Variants in DNAH17 observed in about 807,000 individuals in gnomAD.
DNAH17 encodes axonemal beta dynein heavy chain 17.
DNAH17 carries 376 observed loss-of-function variants against 485.6 expected under a neutral mutation model. The ratio of observed to expected loss-of-function variants is 0.77; its 90% CI spans 0.71 to 0.84. The LOEUF (loss-of-function observed/expected upper bound fraction) is 0.84. Among genes scored for constraint, DNAH17 ranks in the 40% least tolerant of loss-of-function variants. The pLI is 0.00. For missense variants in DNAH17, 6,370 were observed against 5,839.3 expected, an observed-to-expected ratio of 1.09 and a Z score of -2.96; for synonymous variants, 3,031 against 2,405.9, an observed-to-expected ratio of 1.26 and a Z score of -7.60.
chr17:78,553,283 G>GGTTTTTTTTTTTT lies in DNAH17; in HGVS notation c.2179-479_2179-478insAAAAAAAAAAAAC, dbSNP rs2091944708. ...AAATTACCCAGTCCCAGGTTTTTGT[G>GGTTTTTTTTTTTT]TTTTTTTTTTTTTTTTTTTTTTTTT... On this transcript the variant is annotated intron_variant, in intron 14 of 80. Transcript: ENST00000389840. 2.2e-4 allele frequency among the ~76,000 whole-genome samples: 11 copies of GGTTTTTTTTTTTT among 51,032 alleles called. 2 individuals are homozygous for GGTTTTTTTTTTTT. The highest frequency in any genetic ancestry group is 1.3e-3 in the East Asian group (2 of 1,500). The allele number at this position is 51,032 out of a possible 152,430, so 33.5% of individuals were successfully genotyped here. A position where few individuals can be genotyped will look rare whatever the true frequency, so the allele number is the denominator to read the frequency against.
chr17:78,432,762 C>T (rs559746629), intron 75 of DNAH17, among the ~76,000 whole-genome samples: 1 of 152,314 alleles, frequency 6.6e-6, no homozygotes, highest in East Asian at 1.9e-4. Context: ...GAGGGGGTTC[C>T]TGAGACTGGC....
At chr17:78,433,981 G>A (rs1347402380) in intron 75 of DNAH17, 48 bp downstream of exon 75, 21 of 1,479,086 alleles carry the variant, frequency 1.4e-5, no homozygotes, top group African/African-American at 2.8e-5. Flanking sequence ...GGGAAGGAGG[G>A]AAAGAGGGAG....
At position 78,506,835 on chromosome 17, in the gene DNAH17, C is replaced by T. The variant is rs1359720843; in HGVS notation, c.4688G>A (p.Cys1563Tyr). Reference sequence around the variant, plus strand: ...TAAATACTCTGCCAAAGCCTTTTCACAGATGGCCAAGCTGGGAGGAAGGAA... The same window carrying T: ...TAAATACTCTGCCAAAGCCTTTTCATAGATGGCCAAGCTGGGAGGAAGGAA... ...LEALKKSLAI[C>Y]EKALAEYLET... Residue 1563 changes from cysteine to tyrosine, a missense_variant, in exon 30 of 81, where the codon TGT (cysteine) becomes TAT (tyrosine). By Grantham distance (194) the Cys-to-Tyr change is radical (BLOSUM62 -2). Coordinates refer to ENST00000389840, the MANE Select transcript of DNAH17 (RefSeq NM_173628.4). The T allele has an allele frequency of 1.2e-6, 2 of 1,613,964 alleles. No homozygotes were observed. The highest frequency in any genetic ancestry group is 1.7e-5 in the Admixed American group (1 of 60,014).
Position 78,450,897 on chromosome 17 carries a change from G to A in DNAH17, c.10735-51C>T, listed in dbSNP as rs1261786867. The A allele has an allele frequency of 3.3e-5, 52 of 1,595,540 alleles. No homozygotes were observed. The Admixed American group carries it at 7.4e-4, about 23-fold the overall frequency. ...TGCATTGCCTGGCTCTGTCCACCGG[G>A]CACCCGGGCCTCCCTCAGGTGGCCA... On this transcript the variant is annotated intron_variant, in intron 66 of 80. Transcript: ENST00000389840.
Position 78,513,957 on chromosome 17 carries a change from G to A in DNAH17, c.4113+817C>T, listed in dbSNP as rs181670682. Reference sequence around the variant, plus strand: ...TAGCTGCTTAAAGTCATTTTGTTCAGTGTTGGCTGAGAGAGGGGAGCGTTC... The same window carrying A: ...TAGCTGCTTAAAGTCATTTTGTTCAATGTTGGCTGAGAGAGGGGAGCGTTC... On this transcript the variant is annotated intron_variant, in intron 26 of 80. Transcript: ENST00000389840. 4.4e-3 allele frequency among the ~76,000 whole-genome samples: 674 copies of A among 152,294 alleles called. 5 individuals are homozygous for A. Among genetic ancestry groups the A allele is most frequent in the Non-Finnish European group, 6.7e-3 (454 of 68,032 alleles).
chr17:78,544,106 T>C, intron 16 of DNAH17, 109 bp from the exon 17 acceptor site: 4 of 1,482,836 alleles, frequency 2.7e-6, no homozygotes, highest in East Asian at 2.3e-5. Context: ...TGCCTGATCT[T>C]GGATTGGAGT....
intron 12 of DNAH17, 48 bp from the exon 13 acceptor site, chr17:78,560,983 G>GGT: frequency 6.6e-7 from 1 of 1,508,380 alleles, no homozygotes; most frequent in Non-Finnish European, 8.9e-7. Context: ...TCTCCTGTGG[G>GGT]GTGTCTTCGG....
chr17:78,434,216 G>T lies in DNAH17; in HGVS notation c.12038C>A (p.Thr4013Asn), dbSNP rs1216495469. The change falls in exon 75 of 81, where the codon ACC (threonine) becomes AAC (asparagine). Residue 4013 changes from threonine to asparagine, a missense_variant. Transcript: ENST00000389840. ...CATCTCCTTGGTGCACATCTCCAGG[G>T]TGTCCTGTGGGGCACACGCTCCGGT... Reference protein sequence around the residue: ...HKALDLFTQDTLEMCTKEMEF... With the variant: ...HKALDLFTQDNLEMCTKEMEF... The T allele has an allele frequency of 2.5e-6, 4 of 1,604,662 alleles. No homozygotes were observed. The highest frequency in any genetic ancestry group is 8.5e-7 in the Non-Finnish European group (1 of 1,173,022).
chr17:78,453,364 C>T lies in DNAH17; in HGVS notation c.10508G>A (p.Arg3503Lys). 2 of 1,613,630 alleles carry T rather than the reference C, an allele frequency of 1.2e-6. No homozygotes were observed. The highest frequency in any genetic ancestry group is 1.7e-6 in the Non-Finnish European group (2 of 1,179,726). The change falls in exon 65 of 81, where the codon AGG becomes AAG. Residue 3503 changes from arginine to lysine, a missense_variant. By Grantham distance (26) the Arg-to-Lys change is conservative (BLOSUM62 2). Coordinates refer to ENST00000389840, the MANE Select transcript of DNAH17 (RefSeq NM_173628.4). ...VDPVLDPLLG[R>K]NTIKKGKYIK... Reference sequence around the variant, plus strand: ...TCACTTTCCCTTTTTAATCGTGTTCCTGCCCAGTAGAGGGTCCAGCACGGG... The same window carrying T: ...TCACTTTCCCTTTTTAATCGTGTTCTTGCCCAGTAGAGGGTCCAGCACGGG...
chr17:78,426,738 A>T (rs2086482754), intron 78 of DNAH17, 138 bp from the exon 79 acceptor site: 1 of 1,341,166 alleles, frequency 7.5e-7, no homozygotes, highest in African/African-American at 1.5e-5. Context: ...AGGGCCACGC[A>T]AGCGCTTCCT....
intron 48 of DNAH17, among the ~76,000 whole-genome samples, chr17:78,483,006 G>A (rs116345666): frequency 0.012 from 1,832 of 152,316 alleles, 29 homozygotes; most frequent in African/African-American, 0.041. Context: ...CAGGGAAACC[G>A]AGGCTGAGCC....
chr17:78,445,858 A>G (rs990634398), intron 69 of DNAH17, among the ~76,000 whole-genome samples, 178 bp from the exon 70 acceptor site: 3 of 152,136 alleles, frequency 2.0e-5, no homozygotes, highest in Non-Finnish European at 4.4e-5. Context: ...TTAAGTTGTG[A>G]AATACACATA....
At chr17:78,450,940 C>T in intron 66 of DNAH17, 94 bp from the exon 67 acceptor site, 1 of 1,502,732 alleles carries the variant, frequency 6.7e-7, no homozygotes, top group Non-Finnish European at 9.1e-7. Flanking sequence ...GAGCCAAGGC[C>T]CAGGCTTTGA....
chr17:78,466,599 G>GC lies in DNAH17; in HGVS notation c.8940+55dup, dbSNP rs1055038562. 53 of 1,514,144 alleles carry GC rather than the reference G, an allele frequency of 3.5e-5. No individual in the cohort carries two copies. The African/African-American group carries it at 7.3e-4, about 21-fold the overall frequency. 93.8% of individuals were successfully genotyped at this position (1,514,144 alleles called of 1,614,324 possible). On this transcript the variant is annotated intron_variant, in intron 56 of 80. Coordinates refer to ENST00000389840, the MANE Select transcript of DNAH17 (RefSeq NM_173628.4). ...TTTCTCCCAGGGAGCCAGCCCTTGG[G>GC]CCTGTCCTTGTCCTCTGGGCTCTAC...
chr17:78,479,620 C>T lies in DNAH17; in HGVS notation c.7765G>A (p.Val2589Met), dbSNP rs754272758. The change falls in exon 50 of 81, where the codon GTG becomes ATG. Residue 2589 changes from valine (V) to methionine (M), a missense_variant. By Grantham distance (21) the Val-to-Met change is conservative. Coordinates refer to ENST00000389840, the MANE Select transcript of DNAH17 (RefSeq NM_173628.4). ...TGGCCGGGGAAGCTCACAGCAAACA[C>T]GCAGAAATGGCGCTACCCCAAAACA... Reference protein sequence around the residue: ...IDSRLQRHFCVFAVSFPGQEA... With the variant: ...IDSRLQRHFCMFAVSFPGQEA... The T allele has an allele frequency of 1.2e-5, 20 of 1,613,020 alleles. No individual in the cohort carries two copies. The highest frequency in any genetic ancestry group is 2.2e-5 in the East Asian group (1 of 44,884).
chr17:78,428,343 C>CTTT, intron 77 of DNAH17, 182 bp downstream of exon 77: 1 of 718,598 alleles, frequency 1.4e-6, no homozygotes. Context: ...GCTGCCACGT[C>CTTT]TGAGGACCTG....
At position 78,495,162 on chromosome 17, in the gene DNAH17, T is replaced by C. The variant is rs990098107; in HGVS notation, c.5904-65A>G. 1.7e-5 allele frequency: 25 copies of C among 1,504,514 alleles called. No individual in the cohort carries two copies. In the African/African-American group the frequency reaches 3.0e-4, roughly 18 times the overall value. The allele number at this position is 1,504,514 out of a possible 1,614,324, so 93.2% of individuals were successfully genotyped here. ...CCTCCCCAACCTACACCCCTGCCTG[T>C]CCCTCTTCACCTAGGAGAGCACACC... is the stretch of plus-strand genomic sequence containing the variant. On this transcript the variant is annotated intron_variant, in intron 38 of 80. Transcript: ENST00000389840.
Position 78,569,182 on chromosome 17 carries a change from C to A in DNAH17, c.1268G>T (p.Arg423Leu). 6.2e-7 allele frequency: 1 copy of A among 1,604,380 alleles called. No individual in the cohort carries two copies. The highest frequency in any genetic ancestry group is 1.1e-5 in the South Asian group (1 of 88,970). Residue 423 changes from arginine (R) to leucine (L), a missense_variant, in exon 9 of 81, where the codon CGC becomes CTC. By Grantham distance (102) the Arg-to-Leu change is moderately radical. Transcript: ENST00000389840. ...AFSRINSFFQ[R>L]IQTIEELYKT... ...TGTTTTTACCTCAATGGTCTGGATG[C>A]GCTGGAAGAAGGAATTTATCCTGGA...
rs373436542 is a variant in DNAH17 at position 78,558,092 on chromosome 17, C to G, written c.2178+16G>C. On this transcript the variant is annotated intron_variant, in intron 14 of 80. Transcript: ENST00000389840. ...TACAAAGCTGCATCAGGAATAGTACCGACTCACCAACTCACCTCATTATAC... is the reference window on the plus strand; with the variant it reads ...TACAAAGCTGCATCAGGAATAGTACGGACTCACCAACTCACCTCATTATAC... The G allele has an allele frequency of 1.9e-6, 3 of 1,609,134 alleles. No homozygotes were observed. The highest frequency in any genetic ancestry group is 2.2e-5 in the South Asian group (2 of 90,166).
Sources: allele counts gnomAD v4.1 joint callset (sites outside exome capture counted in the v4.1 genomes callset), GRCh38; gene constraint gnomAD v4.1.1; transcripts MANE v1.5; gene names NCBI Gene and HGNC (gene_info 2026-07-23, HGNC 2026-07-21).